The following ATF1 variants were observed in gnomAD, a reference collection of about 807,000 sequenced individuals.
The protein encoded by ATF1 is cyclic AMP-dependent transcription factor ATF-1.
ATF1 carries 16 observed loss-of-function variants against 34.7 expected under a neutral mutation model. The ratio of observed to expected loss-of-function variants is 0.46; its 90% CI spans 0.31 to 0.70. The LOEUF (loss-of-function observed/expected upper bound fraction) is 0.70, where lower values mean the gene tolerates loss of function less well. Among genes scored for constraint, ATF1 ranks in the 30% least tolerant of loss-of-function variants. The pLI is 0.05. For missense variants in ATF1, 255 were observed against 321.6 expected (o/e 0.79, Z 1.58); for synonymous variants, 105 against 113.1 (o/e 0.93, Z 0.46).
chr12:50,771,462 G>A (rs1004762460), intron 1 of ATF1, among the ~76,000 whole-genome samples: 1 of 152,084 alleles, frequency 6.6e-6, no homozygotes, highest in African/African-American at 2.4e-5. Flanking sequence ...CTTTCTGACT[G>A]AGCTCCTTTT....
rs1256060733 is a variant in ATF1, at chr12:50,820,176, G to A, written c.*397G>A. ...TTTACCTTTTTTTAGTTATATATAT[G>A]TGTGTGTGTGTGTGTAATTTCTGCC... On this transcript the variant is annotated 3_prime_UTR_variant, in exon 7 of 7. Coordinates refer to ENST00000262053, the MANE Select transcript of ATF1 (RefSeq NM_005171.5). 19 of 192,634 alleles carry A rather than the reference G, an allele frequency of 9.9e-5. No homozygotes were observed. The highest frequency in any genetic ancestry group is 9.2e-4 in the South Asian group (5 of 5,430). 11.9% of individuals were successfully genotyped at this position (192,634 alleles called of 1,614,324 possible).
rs533503962 is a variant in ATF1 at position 50,793,021 on chromosome 12, T to C, written c.94-2888T>C. Among the ~76,000 whole-genome samples the C allele has an allele frequency of 2.0e-5, 3 of 152,270 alleles. No individual in the cohort carries two copies. The East Asian group carries it at 5.8e-4, about 29-fold the overall frequency. On this transcript the variant is annotated intron_variant, in intron 2 of 6. Coordinates refer to ENST00000262053, the MANE Select transcript of ATF1 (RefSeq NM_005171.5). Reference sequence around the variant, plus strand: ...GTCCCAGAATACCTTTGGTCATCTCTCGTTTTTAGAAGCAGCTCTCCTAGA... The same window carrying C: ...GTCCCAGAATACCTTTGGTCATCTCCCGTTTTTAGAAGCAGCTCTCCTAGA...
At chr12:50,802,987 A>T (rs999070391) in intron 3 of ATF1, among the ~76,000 whole-genome samples, 3 of 150,548 alleles carry the variant, frequency 2.0e-5, no homozygotes, top group African/African-American at 7.3e-5. Context: ...GGGGCTGGGC[A>T]TGGTGGCTTA....
At chr12:50,770,877 G>T (rs1354816352) in intron 1 of ATF1, among the ~76,000 whole-genome samples, 2 of 152,174 alleles carry the variant, frequency 1.3e-5, no homozygotes, top group African/African-American at 4.8e-5. Context: ...TCAGTATTCT[G>T]ATTCTGGGCA....
intron 2 of ATF1, among the ~76,000 whole-genome samples, chr12:50,790,744 C>T (rs866063843): frequency 2.6e-5 from 4 of 151,730 alleles, no homozygotes; most frequent in South Asian, 2.1e-4. Context: ...TATGATTAGC[C>T]GTCCTGCTTG....
intron 2 of ATF1, among the ~76,000 whole-genome samples, chr12:50,781,712 A>G (rs962244274): frequency 1.3e-5 from 2 of 152,068 alleles, no homozygotes; most frequent in African/African-American, 2.4e-5. Context: ...CAGCCTCCCA[A>G]AATGCTGGGA....
intron 3 of ATF1, among the ~76,000 whole-genome samples, chr12:50,797,061 G>T (rs1016117098): frequency 2.0e-5 from 3 of 152,068 alleles, no homozygotes; most frequent in Non-Finnish European, 2.9e-5. Flanking sequence ...AGAACCTGAG[G>T]ATACAGCTCT....
At chr12:50,789,290 A>T (rs147233909) in intron 2 of ATF1, among the ~76,000 whole-genome samples, 1 of 151,774 alleles carries the variant, frequency 6.6e-6, no homozygotes, top group African/African-American at 2.4e-5. Context: ...GCTGGTCTTG[A>T]ACTTCTGACT....
chr12:50,763,937 T>C (rs1940555718), upstream of ATF1: 1 of 152,204 alleles, frequency 6.6e-6, no homozygotes, highest in Non-Finnish European at 1.5e-5. Flanking sequence ...CAGGACCGCG[T>C]ACAAGATGGC....
chr12:50,788,673 A>T (rs993805500), intron 2 of ATF1, among the ~76,000 whole-genome samples: 2 of 152,096 alleles, frequency 1.3e-5, no homozygotes. Context: ...ACTTGATAAA[A>T]TTTATTTCTA....
chr12:50,792,882 G>A (rs765102114), intron 2 of ATF1, among the ~76,000 whole-genome samples: 1 of 151,870 alleles, frequency 6.6e-6, no homozygotes, highest in Admixed American at 6.6e-5. Context: ...GAGTTCTCTT[G>A]TAGTAGAGGA....
chr12:50,813,823 A>G (rs1195545691), intron 4 of ATF1, among the ~76,000 whole-genome samples, 187 bp from the exon 5 acceptor site: 1 of 147,886 alleles, frequency 6.8e-6, no homozygotes, highest in Admixed American at 6.7e-5. Flanking sequence ...CAAAAAAGAA[A>G]AAAAAAAAAG....
intron 2 of ATF1, among the ~76,000 whole-genome samples, chr12:50,781,756 A>G (rs752290887): frequency 6.6e-6 from 1 of 151,866 alleles, no homozygotes; most frequent in African/African-American, 2.4e-5. Context: ...CGGCCAAAAA[A>G]TTTTAAAAAT....
In ATF1 at chr12:50,777,390, A is replaced by AG. The variant is rs1270312686; in HGVS notation, c.-6-2746dup. ...AAGAAAAAGACTAGTGGTGTATTTG[A>AG]GGGGAAAAAAAATTTAAACTACTTT... On this transcript the variant is annotated intron_variant, in intron 1 of 6. Transcript: ENST00000262053. Among the ~76,000 whole-genome samples the AG allele has an allele frequency of 1.4e-4, 21 of 152,176 alleles. 1 individual carries two copies. The highest frequency in any genetic ancestry group is 4.6e-4 in the African/African-American group (19 of 41,536).
At chr12:50,806,137 C>T (rs531899232) in intron 3 of ATF1, among the ~76,000 whole-genome samples, 20 of 146,840 alleles carry the variant, frequency 1.4e-4, no homozygotes, top group South Asian at 1.1e-3. Context: ...GCAACAAAAG[C>T]GAAACTGTCT....
At chr12:50,815,644 GCCT>G (rs1366936909) in intron 6 of ATF1, among the ~76,000 whole-genome samples, 1 of 151,568 alleles carries the variant, frequency 6.6e-6, no homozygotes, top group African/African-American at 2.4e-5. Flanking sequence ...ACCTGCCTCA[GCCT>G]CCCAAAGTGC....
At chr12:50,795,634 T>G (rs1003140485) in intron 2 of ATF1, among the ~76,000 whole-genome samples, 7 of 152,220 alleles carry the variant, frequency 4.6e-5, no homozygotes, top group African/African-American at 1.7e-4. Context: ...GCCTGGTCTT[T>G]TTAACTCTGG....
chr12:50,808,157 A>C (rs1234011106), intron 3 of ATF1, among the ~76,000 whole-genome samples: 1 of 152,182 alleles, frequency 6.6e-6, no homozygotes, highest in Non-Finnish European at 1.5e-5. Flanking sequence ...TACTTTTTCC[A>C]TCCCTTATTC....
intron 2 of ATF1, among the ~76,000 whole-genome samples, chr12:50,781,456 G>GT (rs1435176594): frequency 6.6e-6 from 1 of 151,912 alleles, no homozygotes. Flanking sequence ...CTTTGTTTTT[G>GT]TTTTTGTTTT....
Sources: gnomAD v4.1 joint callset for allele counts (sites outside exome capture counted in the v4.1 genomes callset) on GRCh38, gnomAD v4.1.1 for gene constraint, MANE v1.5 for transcripts, NCBI Gene and HGNC (gene_info 2026-07-23, HGNC 2026-07-21) for gene names.